Variants in SNTB1 observed in about 807,000 individuals in gnomAD.
SNTB1 encodes the protein beta-1-syntrophin.
In SNTB1, 36 loss-of-function variants were observed where a neutral mutation model predicts 48.9. The ratio of observed to expected loss-of-function variants is 0.74; its 90% CI spans 0.56 to 0.97. SNTB1 has a LOEUF of 0.97. SNTB1 is among the 50% of genes least tolerant of loss of function. SNTB1 has a pLI of 0.00. For synonymous variants in SNTB1, 299 were observed against 294.6 expected (o/e 1.01, Z -0.15); for missense variants, 786 against 703.4 (o/e 1.12, Z -1.33).
At chr8:120,749,398 A>T (rs1819176475) in intron 1 of SNTB1, among the ~76,000 whole-genome samples, 1 of 152,204 alleles carries the variant, frequency 6.6e-6, no homozygotes, top group Admixed American at 6.5e-5. Flanking sequence ...AGTTGGCCAA[A>T]CTGCTTACTG....
In SNTB1 at chr8:120,610,647, A is replaced by G. The variant is rs139755572; in HGVS notation, c.996+21797T>C. ...ACACTTGGAAGAGGGCCAAGTGGGC[A>G]ACTTGAGAAACCAAGGGCCCAGCTT... On this transcript the variant is annotated intron_variant, in intron 3 of 6. Coordinates refer to ENST00000517992, the MANE Select transcript of SNTB1 (RefSeq NM_021021.4). Among the ~76,000 whole-genome samples the G allele has an allele frequency of 8.9e-3, 1,351 of 152,294 alleles. 22 individuals carry two copies. Among genetic ancestry groups the G allele is most frequent in the African/African-American group, 0.03 (1,260 of 41,546 alleles).
intron 1 of SNTB1, among the ~76,000 whole-genome samples, chr8:120,738,794 G>A (rs1206561791): frequency 2.6e-5 from 4 of 152,062 alleles, no homozygotes; most frequent in African/African-American, 7.2e-5. Flanking sequence ...TCACCATTAA[G>A]GTTTCTGGGG....
At chr8:120,676,564 GT>G (rs776364080) in intron 2 of SNTB1, among the ~76,000 whole-genome samples, 2 of 152,148 alleles carry the variant, frequency 1.3e-5, no homozygotes, top group Non-Finnish European at 2.9e-5. Context: ...TTTTAATGAA[GT>G]TTTCATTAGT....
chr8:120,640,421 T>C (rs1274858551), intron 2 of SNTB1, among the ~76,000 whole-genome samples: 1 of 152,208 alleles, frequency 6.6e-6, no homozygotes, highest in Non-Finnish European at 1.5e-5. Context: ...CTATGTCGAA[T>C]AGGAGTGATG....
chr8:120,702,439 CTG>C (rs1818322752), intron 1 of SNTB1, among the ~76,000 whole-genome samples: 1 of 152,212 alleles, frequency 6.6e-6, no homozygotes, highest in Admixed American at 6.5e-5. Context: ...TCTCCTGCCT[CTG>C]TTCTTTGCAC....
chr8:120,714,737 A>G (rs1307945552), intron 1 of SNTB1, among the ~76,000 whole-genome samples: 1 of 152,232 alleles, frequency 6.6e-6, no homozygotes, highest in Non-Finnish European at 1.5e-5. Context: ...ATCAAGATAT[A>G]GAAAGTTTAT....
chr8:120,755,145 TG>T (rs33959099), intron 1 of SNTB1, among the ~76,000 whole-genome samples: 42,033 of 146,430 alleles, frequency 0.29, 6,890 homozygotes, highest in African/African-American at 0.45. Flanking sequence ...TGTGGTGTTG[TG>T]TGTGTGTGTG....
At chr8:120,613,035 C>T (rs1816650256) in intron 3 of SNTB1, among the ~76,000 whole-genome samples, 1 of 152,132 alleles carries the variant, frequency 6.6e-6, no homozygotes. Flanking sequence ...TGCATTTTCT[C>T]ACTCTTATGT....
chr8:120,752,333 T>C (rs1345258610), intron 1 of SNTB1, among the ~76,000 whole-genome samples: 1 of 152,120 alleles, frequency 6.6e-6, no homozygotes, highest in East Asian at 1.9e-4. Context: ...ATTTAAAAAA[T>C]CACATTTTTG....
intron 1 of SNTB1, among the ~76,000 whole-genome samples, chr8:120,808,432 C>T (rs527367177): frequency 6.6e-6 from 1 of 152,140 alleles, no homozygotes; most frequent in Non-Finnish European, 1.5e-5. Context: ...CCCAGCATTA[C>T]ACCATAGTAC....
chr8:120,617,126 T>C (rs1248912404), intron 3 of SNTB1, among the ~76,000 whole-genome samples: 2 of 152,234 alleles, frequency 1.3e-5, no homozygotes, highest in Non-Finnish European at 2.9e-5. Flanking sequence ...GCTCATTAGC[T>C]ATCGTTAGTG....
chr8:120,718,726 T>C (rs1818604892), intron 1 of SNTB1, among the ~76,000 whole-genome samples: 1 of 151,832 alleles, frequency 6.6e-6, no homozygotes, highest in Non-Finnish European at 1.5e-5. Flanking sequence ...GAGTAGGAGG[T>C]ACTTTGCTGC....
At chr8:120,782,516 T>C (rs1819847675) in intron 1 of SNTB1, among the ~76,000 whole-genome samples, 1 of 152,134 alleles carries the variant, frequency 6.6e-6, no homozygotes, top group Non-Finnish European at 1.5e-5. Flanking sequence ...AAAAACTCTA[T>C]TAAATAAAAT....
In SNTB1 at chr8:120,538,455, T is replaced by C. The variant is rs1343094805; in HGVS notation, c.*422A>G. On this transcript the variant is annotated 3_prime_UTR_variant, in exon 7 of 7. Transcript: ENST00000517992. Reference sequence around the variant, plus strand: ...GAAAAGGGATCACTGTTACTGGGGATAGGGGGCTAGGAGGAGTAGGTAAGA... The same window carrying C: ...GAAAAGGGATCACTGTTACTGGGGACAGGGGGCTAGGAGGAGTAGGTAAGA... 7.7e-6 allele frequency: 2 copies of C among 260,466 alleles called. No individual in the cohort carries two copies. Among genetic ancestry groups the C allele is most frequent in the Non-Finnish European group, 1.6e-5 (2 of 123,354 alleles). The allele number at this position is 260,466 out of a possible 1,614,324, so 16.1% of individuals were successfully genotyped here.
intron 2 of SNTB1, among the ~76,000 whole-genome samples, chr8:120,654,070 A>AAAAAAAAAAAAAAAAT: frequency 6.8e-6 from 1 of 148,020 alleles, no homozygotes; most frequent in African/African-American, 2.5e-5. Context: ...AAAAAAAAAA[A>AAAAAAAAAAAAAAAAT]AGTTGTCTTC....
At chr8:120,630,005 A>C (rs926386844) in intron 3 of SNTB1, among the ~76,000 whole-genome samples, 5 of 152,216 alleles carry the variant, frequency 3.3e-5, no homozygotes, top group African/African-American at 9.6e-5. Context: ...AAGATTTTTT[A>C]ATTTCATGAA....
At chr8:120,564,924 T>C (rs1815725722) in intron 4 of SNTB1, among the ~76,000 whole-genome samples, 1 of 152,126 alleles carries the variant, frequency 6.6e-6, no homozygotes, top group Non-Finnish European at 1.5e-5. Context: ...CGTCACTTGC[T>C]TGTGGTCATA....
rs566365197 is a variant in SNTB1 at position 120,554,514 on chromosome 8, C to T, written c.1137-5556G>A. On this transcript the variant is annotated intron_variant, in intron 4 of 6. Coordinates refer to ENST00000517992, the MANE Select transcript of SNTB1 (RefSeq NM_021021.4). ...CCTGCGTGGTGGGCGGGGGGTGCTC[C>T]TTATAGTTTTCACTCGGCAAACATT... Among the ~76,000 whole-genome samples the T allele has an allele frequency of 7.2e-5, 11 of 152,236 alleles. No individual in the cohort carries two copies. The South Asian group carries it at 1.7e-3, about 23-fold the overall frequency.
chr8:120,586,637 C>T (rs569131059), intron 3 of SNTB1, among the ~76,000 whole-genome samples: 2 of 152,306 alleles, frequency 1.3e-5, no homozygotes, highest in Admixed American at 6.5e-5. Flanking sequence ...AACTTCATCG[C>T]ATCTGCAGAG....
Sources: gnomAD v4.1 joint callset for allele counts (sites outside exome capture counted in the v4.1 genomes callset) on GRCh38, gnomAD v4.1.1 for gene constraint, MANE v1.5 for transcripts, NCBI Gene and HGNC (gene_info 2026-07-23, HGNC 2026-07-21) for gene names.